Variants in LACTB observed in about 807,000 individuals in gnomAD.
LACTB encodes lactamase beta, also known as serine beta-lactamase-like protein LACTB, mitochondrial.
Under a neutral mutation model 50.2 loss-of-function variants are expected in LACTB, and 35 were observed. That is an observed-to-expected ratio of 0.70 (90% CI 0.53 to 0.92). The LOEUF (loss-of-function observed/expected upper bound fraction) is 0.92, where lower values mean the gene tolerates loss of function less well. Among genes scored for constraint, LACTB ranks in the 40% least tolerant of loss-of-function variants. The probability of loss-of-function intolerance (pLI) is 0.00; values close to 1 mark genes in which losing one functional copy is unlikely to be tolerated. For missense variants in LACTB, 664 were observed against 691.8 expected (o/e 0.96, Z 0.45); for synonymous variants, 252 against 268.2 (o/e 0.94, Z 0.59).
chr15:63,126,943 C>T lies in LACTB; in HGVS notation c.509C>T (p.Thr170Ile). 1 of 1,613,218 alleles carries T rather than the reference C, an allele frequency of 6.2e-7. No individual in the cohort carries two copies. Among genetic ancestry groups the T allele is most frequent in the South Asian group, 1.1e-5 (1 of 91,014 alleles). ...ATTGCTAGCATCAGCAAAAGTCTCACCATGGTTGCTCTTGCCAAATTGTGG... is the reference window on the plus strand; with the variant it reads ...ATTGCTAGCATCAGCAAAAGTCTCATCATGGTTGCTCTTGCCAAATTGTGG... ...MRIASISKSL[T>I]MVALAKLWEA... Residue 170 changes from threonine (T) to isoleucine (I), a missense_variant, in exon 3 of 6, where the codon ACC (threonine) becomes ATC (isoleucine). Physicochemically the swap from Thr to Ile is moderately conservative, Grantham distance 89 (BLOSUM62 -1). Coordinates refer to ENST00000261893, the MANE Select transcript of LACTB (RefSeq NM_032857.5).
At position 63,127,069 on chromosome 15, in the gene LACTB, A is replaced by G; in HGVS notation, c.615+20A>G. ...GAAAAGGTACTGAAACTCACAGTTC[A>G]TTTTACTAATGGCATGTTAAATGGT... On this transcript the variant is annotated intron_variant, in intron 3 of 5. Transcript: ENST00000261893. 2.7e-6 allele frequency: 4 copies of G among 1,505,352 alleles called. No homozygotes were observed. Among genetic ancestry groups the G allele is most frequent in the East Asian group, 2.3e-5 (1 of 43,306 alleles). 93.2% of individuals were successfully genotyped at this position (1,505,352 alleles called of 1,614,324 possible).
Position 63,140,171 on chromosome 15 carries a change from T to A in LACTB, c.1119-1109T>A, listed in dbSNP as rs1325030236. On this transcript the variant is annotated intron_variant, in intron 5 of 5. Coordinates refer to ENST00000261893, the MANE Select transcript of LACTB (RefSeq NM_032857.5). The stretch of plus-strand genomic sequence containing the variant: ...GTTTCTATTATGTAACTTTTAGATT[T>A]AATTTTATTTGGTTGGCTGGAATTA... 3.3e-5 allele frequency among the ~76,000 whole-genome samples: 5 copies of A among 152,352 alleles called. No individual in the cohort carries two copies. The South Asian group carries it at 1.0e-3, about 32-fold the overall frequency.
chr15:63,124,491 G>A (rs892751989), intron 2 of LACTB, among the ~76,000 whole-genome samples: 1 of 152,102 alleles, frequency 6.6e-6, no homozygotes, highest in Non-Finnish European at 1.5e-5. Flanking sequence ...TTTTAACCAG[G>A]TAGAGGTGTC....
chr15:63,125,293 G>A (rs570495414), intron 2 of LACTB, among the ~76,000 whole-genome samples: 4 of 151,228 alleles, frequency 2.6e-5, no homozygotes, highest in Admixed American at 1.3e-4. Context: ...TCGTCCTCCC[G>A]ATTAGCTGGG....
chr15:63,135,958 T>C (rs1330315580), intron 5 of LACTB, among the ~76,000 whole-genome samples: 2 of 152,214 alleles, frequency 1.3e-5, no homozygotes, highest in Non-Finnish European at 2.9e-5. Context: ...TATTATTTCC[T>C]GTTTTCTTGA....
At position 63,127,638 on chromosome 15, in the gene LACTB, T is replaced by G; in HGVS notation, c.901T>G (p.Ser301Ala). The change falls in exon 4 of 6, where the codon TCA (serine) becomes GCA (alanine). Residue 301 changes from serine (S) to alanine (A), a missense_variant. Physicochemically the swap from Ser to Ala is moderately conservative, Grantham distance 99. Transcript: ENST00000261893. The stretch of plus-strand genomic sequence containing the variant: ...ATATTTGAGAGAAAAGTTTGAAAAT[T>G]CAATTGAATCCCTAAGATTATTTAA... Reference protein sequence around the residue: ...ELYLREKFENSIESLRLFKND... With the variant: ...ELYLREKFENAIESLRLFKND... 4 of 1,609,114 alleles carry G rather than the reference T, an allele frequency of 2.5e-6. No individual in the cohort carries two copies. Among genetic ancestry groups the G allele is most frequent in the Non-Finnish European group, 3.4e-6 (4 of 1,176,786 alleles).
chr15:63,122,763 T>C (rs923569250), intron 2 of LACTB, 61 bp downstream of exon 2: 2 of 1,121,366 alleles, frequency 1.8e-6, no homozygotes, highest in African/African-American at 3.1e-5. Flanking sequence ...ATTGTTTTAC[T>C]GGTTAGAGTG....
intron 4 of LACTB, among the ~76,000 whole-genome samples, chr15:63,128,995 G>C (rs1394668803): frequency 6.6e-6 from 1 of 152,068 alleles, no homozygotes; most frequent in Non-Finnish European, 1.5e-5. Context: ...CTCCCCCCTT[G>C]GCCTCCCAAA....
rs35654402 is a variant in LACTB at position 63,134,615 on chromosome 15, CA to C, written c.1118+4970del. On this transcript the variant is annotated intron_variant, in intron 5 of 5. Transcript: ENST00000261893. ...TTCATTTCTGTCCACCTTCTGTTGGCAAAAACTTAGCTGTATGGTCACACTT... is the reference window on the plus strand; with the variant it reads ...TTCATTTCTGTCCACCTTCTGTTGGCAAAACTTAGCTGTATGGTCACACTT... Among the ~76,000 whole-genome samples the C allele has an allele frequency of 7.6e-4, 115 of 152,286 alleles. 1 individual carries two copies. The East Asian group carries it at 0.019, about 26-fold the overall frequency.
rs146153153 is a variant in LACTB at position 63,140,712 on chromosome 15, C to T, written c.1119-568C>T. On this transcript the variant is annotated intron_variant, in intron 5 of 5. Coordinates refer to ENST00000261893, the MANE Select transcript of LACTB (RefSeq NM_032857.5). ...CCCAGGCTGGACTCAAACTCCTGGG[C>T]TCAAGTGATCCTCCTGCCTTAGCCT... 2.3e-3 allele frequency among the ~76,000 whole-genome samples: 350 copies of T among 152,220 alleles called. 2 individuals carry two copies. Among genetic ancestry groups the T allele is most frequent in the African/African-American group, 8.2e-3 (340 of 41,530 alleles).
chr15:63,134,236 A>C (rs6494393), intron 5 of LACTB, among the ~76,000 whole-genome samples: 111,662 of 151,882 alleles, frequency 0.74, 41,617 homozygotes, highest in East Asian at 1. Context: ...TTTAATGGAA[A>C]AAAATAGAAT....
intron 3 of LACTB, 63 bp downstream of exon 3, chr15:63,127,112 T>C: frequency 8.2e-7 from 1 of 1,223,794 alleles, no homozygotes; most frequent in Non-Finnish European, 1.1e-6. Flanking sequence ...GGAATTTATA[T>C]TTAAAATGTT....
At chr15:63,136,213 T>G (rs1463396028) in intron 5 of LACTB, among the ~76,000 whole-genome samples, 1 of 152,312 alleles carries the variant, frequency 6.6e-6, no homozygotes, top group East Asian at 1.9e-4. Context: ...GGCTGATTTT[T>G]AAATTTTTTT....
At chr15:63,135,252 G>A (rs2037165865) in intron 5 of LACTB, among the ~76,000 whole-genome samples, 2 of 151,972 alleles carry the variant, frequency 1.3e-5, no homozygotes, top group Non-Finnish European at 2.9e-5. Flanking sequence ...AATTATAATT[G>A]TTCAATTATC....
At chr15:63,122,302 G>T in intron 1 of LACTB, 74 bp downstream of exon 1, 1 of 1,290,266 alleles carries the variant, frequency 7.8e-7, no homozygotes. Flanking sequence ...GGGGCTGAGT[G>T]GACCCCACCC....
intron 5 of LACTB, among the ~76,000 whole-genome samples, chr15:63,133,636 G>C (rs529179849): frequency 2.6e-5 from 4 of 152,144 alleles, no homozygotes; most frequent in African/African-American, 7.2e-5. Flanking sequence ...TAATTACTTA[G>C]TTAATTAAAT....
intron 5 of LACTB, among the ~76,000 whole-genome samples, chr15:63,139,216 A>T (rs1192488138): frequency 1.5e-5 from 2 of 134,306 alleles, no homozygotes; most frequent in Non-Finnish European, 3.2e-5. Flanking sequence ...AAAAAAAAAA[A>T]TTAGCTGGGC....
At position 63,122,623 on chromosome 15, in the gene LACTB, C is replaced by G; in HGVS notation, c.358-13C>G. The G allele has an allele frequency of 6.2e-7, 1 of 1,609,008 alleles. No individual in the cohort carries two copies. The highest frequency in any genetic ancestry group is 1.3e-5 in the African/African-American group (1 of 74,936). ...AGGCCCGTAACTGTCGGTTCTTTCC[C>G]CTTCGGTCTTAGGATGAGGTGGGCG... On this transcript the variant is annotated splice_polypyrimidine_tract_variant and intron_variant, in intron 1 of 5. Coordinates refer to ENST00000261893, the MANE Select transcript of LACTB (RefSeq NM_032857.5).
rs1421003653 is a variant in LACTB, at chr15:63,122,046, G to A, written c.175G>A (p.Gly59Arg). 7.0e-7 allele frequency: 1 copy of A among 1,424,912 alleles called. No individual in the cohort carries two copies. Among genetic ancestry groups the A allele is most frequent in the Non-Finnish European group, 9.1e-7 (1 of 1,098,260 alleles). 88.3% of individuals were successfully genotyped at this position (1,424,912 alleles called of 1,614,324 possible). A position where few individuals can be genotyped will look rare whatever the true frequency, so the allele number is the denominator to read the frequency against. Residue 59 changes from glycine to arginine, a missense_variant, in exon 1 of 6, where the codon GGG becomes AGG. Transcript: ENST00000261893. ...GGCGCTCGGGGTGAAGCTGGCAGGT[G>A]GGCTGAGGGGCGCGGCCCCGGCGCA... The part of the protein sequence containing the change: ...GLALGVKLAG[G>R]LRGAAPAQSP...
Sources: gnomAD v4.1 joint callset for allele counts (sites outside exome capture counted in the v4.1 genomes callset) on GRCh38, gnomAD v4.1.1 for gene constraint, MANE v1.5 for transcripts, NCBI Gene and HGNC (gene_info 2026-07-23, HGNC 2026-07-21) for gene names.